CBL: variants seen among roughly 807,000 people sequenced by gnomAD.
CBL encodes the protein E3 ubiquitin-protein ligase CBL.
A neutral mutation model predicts 96.9 loss-of-function variants in CBL; 45 were observed. That is an observed-to-expected ratio of 0.46 (90% CI 0.37 to 0.60). The LOEUF is 0.60. Ranked by LOEUF, CBL falls within the 20% of genes least tolerant of loss-of-function variation. CBL has a pLI of 0.00. For missense variants in CBL, 1,024 were observed against 1,143.5 expected (o/e 0.90, Z 1.51); for synonymous variants, 420 against 426.8 (o/e 0.98, Z 0.20).
chr11:119,271,568 A>G (rs929881488), intron 2 of CBL, among the ~76,000 whole-genome samples, 167 bp from the exon 3 acceptor site: 2 of 152,204 alleles, frequency 1.3e-5, no homozygotes, highest in Non-Finnish European at 2.9e-5. Flanking sequence ...TCTCTTCTCT[A>G]CTTTTTTATA....
In CBL at chr11:119,276,640, T is replaced by C. The variant is rs79938661; in HGVS notation, c.1007+506T>C. Among the ~76,000 whole-genome samples, 588 of 152,382 alleles carry C rather than the reference T, an allele frequency of 3.9e-3. 4 individuals are homozygous for C. The highest frequency in any genetic ancestry group is 0.013 in the African/African-American group (561 of 41,592). ...TCCAGAATTGCTATTCCTTTGAGAA[T>C]TCAAATTAATTATCAGTTGGTAAAC... is the stretch of plus-strand genomic sequence containing the variant. On this transcript the variant is annotated intron_variant, in intron 6 of 15. Coordinates refer to ENST00000264033, the MANE Select transcript of CBL (RefSeq NM_005188.4).
intron 1 of CBL, among the ~76,000 whole-genome samples, chr11:119,231,791 C>G (rs575733544): frequency 9.9e-5 from 15 of 151,958 alleles, no homozygotes; most frequent in African/African-American, 3.6e-4. Context: ...TTATTTCTGT[C>G]CCTGGGAATT....
chr11:119,218,213 T>TA (rs1212030376), intron 1 of CBL, among the ~76,000 whole-genome samples: 2 of 152,346 alleles, frequency 1.3e-5, no homozygotes, highest in African/African-American at 4.8e-5. Context: ...CACTCACACT[T>TA]ACAATTTGTG....
At chr11:119,258,730 T>C (rs182845766) in intron 2 of CBL, among the ~76,000 whole-genome samples, 2 of 152,336 alleles carry the variant, frequency 1.3e-5, no homozygotes, top group Admixed American at 6.5e-5. Flanking sequence ...AGATTTGTTA[T>C]TTCTGTTTAG....
chr11:119,295,368 CAA>C (rs1950056464), intron 12 of CBL, among the ~76,000 whole-genome samples: 1 of 152,040 alleles, frequency 6.6e-6, no homozygotes, highest in South Asian at 2.1e-4. Flanking sequence ...AGCTCTGTAA[CAA>C]AGTACCCATT....
chr11:119,258,991 A>G (rs572007731), intron 2 of CBL, among the ~76,000 whole-genome samples: 8 of 152,152 alleles, frequency 5.3e-5, no homozygotes, highest in African/African-American at 1.7e-4. Flanking sequence ...GAGATCTTTC[A>G]TCTCCTTGGT....
intron 2 of CBL, among the ~76,000 whole-genome samples, chr11:119,257,789 A>G (rs1949722319): frequency 1.3e-5 from 2 of 152,180 alleles, no homozygotes; most frequent in African/African-American, 2.4e-5. Context: ...TCCCAGCACC[A>G]TTTATTAAAT....
intron 2 of CBL, among the ~76,000 whole-genome samples, chr11:119,234,776 G>T (rs1288629702): frequency 1.3e-5 from 2 of 152,184 alleles, no homozygotes; most frequent in Non-Finnish European, 1.5e-5. Context: ...TAAAATAAAT[G>T]AAACATTTAA....
intron 1 of CBL, among the ~76,000 whole-genome samples, chr11:119,227,708 G>C (rs568610809): frequency 6.6e-6 from 1 of 152,092 alleles, no homozygotes; most frequent in South Asian, 2.1e-4. Context: ...GGGCCACCAC[G>C]CCTGGCTAAT....
chr11:119,210,188 G>C (rs1034956556), intron 1 of CBL, among the ~76,000 whole-genome samples: 11 of 152,124 alleles, frequency 7.2e-5, no homozygotes, highest in African/African-American at 2.4e-4. Flanking sequence ...AGGAATTCCA[G>C]ACCAGCCTGG....
At chr11:119,246,003 T>C (rs1393443790) in intron 2 of CBL, among the ~76,000 whole-genome samples, 1 of 118,696 alleles carries the variant, frequency 8.4e-6, no homozygotes, top group East Asian at 2.8e-4. Context: ...GGAGATGGAA[T>C]CTCTCTTTGT....
intron 2 of CBL, among the ~76,000 whole-genome samples, chr11:119,245,173 G>GGT (rs1949616560): frequency 7.0e-6 from 1 of 143,434 alleles, no homozygotes; most frequent in Non-Finnish European, 1.5e-5. Context: ...TGCCCGACCA[G>GGT]TTTTTTTTTT....
Position 119,307,118 on chromosome 11 carries a change from C to T in CBL, c.*7337C>T. On this transcript the variant is annotated 3_prime_UTR_variant, in exon 16 of 16. Transcript: ENST00000264033. ...TCTCTGTGACTGGAGAGGTGACATGCAGGTGCAGTGTGTCTGGAGTCCCTT... is the reference window on the plus strand; with the variant it reads ...TCTCTGTGACTGGAGAGGTGACATGTAGGTGCAGTGTGTCTGGAGTCCCTT... 1 of 231,526 alleles carries T rather than the reference C, an allele frequency of 4.3e-6. No individual in the cohort carries two copies. Among genetic ancestry groups the T allele is most frequent in the Non-Finnish European group, 8.6e-6 (1 of 116,818 alleles). 14.3% of individuals were successfully genotyped at this position (231,526 alleles called of 1,614,324 possible). A position where few individuals can be genotyped will look rare whatever the true frequency, so the allele number is the denominator to read the frequency against.
In CBL at chr11:119,301,602, C is replaced by T. The variant is rs1482839800; in HGVS notation, c.*1821C>T. 2 of 233,172 alleles carry T rather than the reference C, an allele frequency of 8.6e-6. No homozygotes were observed. The highest frequency in any genetic ancestry group is 3.6e-4 in the South Asian group (2 of 5,538). The allele number at this position is 233,172 out of a possible 1,614,324, so 14.4% of individuals were successfully genotyped here. On this transcript the variant is annotated 3_prime_UTR_variant, in exon 16 of 16. Coordinates refer to ENST00000264033, the MANE Select transcript of CBL (RefSeq NM_005188.4). Reference sequence around the variant, plus strand: ...TCTTGGCATTCAGCTACTCCTAGATCTTTTGGTTTTATCCCCTGGCCTCAG... The same window carrying T: ...TCTTGGCATTCAGCTACTCCTAGATTTTTTGGTTTTATCCCCTGGCCTCAG...
chr11:119,231,266 G>T (rs1949499825), intron 1 of CBL, among the ~76,000 whole-genome samples: 1 of 152,204 alleles, frequency 6.6e-6, no homozygotes, highest in African/African-American at 2.4e-5. Context: ...AGCTGGGTGT[G>T]ATGGTGGCCG....
chr11:119,218,287 C>T (rs1949379580), intron 1 of CBL, among the ~76,000 whole-genome samples: 1 of 152,026 alleles, frequency 6.6e-6, no homozygotes, highest in Non-Finnish European at 1.5e-5. Context: ...CACTGGGGCT[C>T]ATGAGGCAAA....
At chr11:119,222,651 A>G (rs959207977) in intron 1 of CBL, among the ~76,000 whole-genome samples, 1 of 151,524 alleles carries the variant, frequency 6.6e-6, no homozygotes, top group Non-Finnish European at 1.5e-5. Flanking sequence ...TATCTTTTAG[A>G]AATTTTTTGG....
At chr11:119,212,519 G>A (rs1039711353) in intron 1 of CBL, among the ~76,000 whole-genome samples, 1 of 151,678 alleles carries the variant, frequency 6.6e-6, no homozygotes, top group Non-Finnish European at 1.5e-5. Context: ...CCAGCTACTC[G>A]GGAGGCTGAG....
rs766354300 is a variant in CBL at position 119,276,102 on chromosome 11, C to T, written c.975C>T (p.Phe325=). The change falls in exon 6 of 16, where the codon TTC becomes TTT. Residue 325 remains phenylalanine (F), a synonymous_variant. Coordinates refer to ENST00000264033, the MANE Select transcript of CBL (RefSeq NM_005188.4). The part of the protein sequence containing the change: ...LQTIPHNKPL[F]QALIDGFREG... ...CAATCCCTCACAATAAACCTCTCTTCCAAGCACTGATTGATGGCTTCAGGG... is the reference window on the plus strand; with the variant it reads ...CAATCCCTCACAATAAACCTCTCTTTCAAGCACTGATTGATGGCTTCAGGG... The T allele has an allele frequency of 6.2e-7, 1 of 1,614,012 alleles. No individual in the cohort carries two copies. Among genetic ancestry groups the T allele is most frequent in the Non-Finnish European group, 8.5e-7 (1 of 1,179,936 alleles).
Sources: gnomAD v4.1 joint callset for allele counts (sites outside exome capture counted in the v4.1 genomes callset) on GRCh38, gnomAD v4.1.1 for gene constraint, MANE v1.5 for transcripts, NCBI Gene and HGNC (gene_info 2026-07-23, HGNC 2026-07-21) for gene names.